KCNQ2: variants seen among roughly 807,000 people sequenced by gnomAD.
KCNQ2 encodes potassium voltage-gated channel subfamily KQT member 2.
In KCNQ2, 14 loss-of-function variants were observed where a neutral mutation model predicts 84.8. The ratio of observed to expected loss-of-function variants is 0.17; its 90% CI spans 0.11 to 0.26. KCNQ2 has a LOEUF of 0.26. Among genes scored for constraint, KCNQ2 ranks in the 10% least tolerant of loss-of-function variants. KCNQ2 has a pLI of 1.00. For synonymous variants in KCNQ2, 599 were observed against 554.1 expected (o/e 1.08, Z -1.14); for missense variants, 788 against 1,254.0 (o/e 0.63, Z 5.61).
At chr20:63,424,795 G>A (rs73918912) in intron 10 of KCNQ2, among the ~76,000 whole-genome samples, 16,694 of 152,288 alleles carry the variant, frequency 0.11, 985 homozygotes, top group Middle Eastern at 0.18. Context: ...GGCTGTTTCC[G>A]CGGGTAAAGG....
intron 11 of KCNQ2, 196 bp downstream of exon 11, chr20:63,423,981 G>A (rs1190069969): frequency 9.3e-6 from 6 of 644,018 alleles, no homozygotes; most frequent in Non-Finnish European, 1.7e-5. Context: ...AATCACTGGG[G>A]AGGGGGTGAG....
rs1013816567 is a variant in KCNQ2 at position 63,425,314 on chromosome 20, G to A, written c.1218-1108C>T. 4.6e-5 allele frequency among the ~76,000 whole-genome samples: 7 copies of A among 151,768 alleles called. No homozygotes were observed. Among genetic ancestry groups the A allele is most frequent in the Admixed American group, 6.6e-5 (1 of 15,238 alleles). The stretch of plus-strand genomic sequence containing the variant: ...CAGCATTCAACCACTGCATTCCCCC[G>A]ACCCCCCAAAATTCATGTCCATCTT... On this transcript the variant is annotated intron_variant, in intron 10 of 16. Transcript: ENST00000359125. The surrounding 1 kb of genome is among the most constrained non-coding windows in gnomAD (Gnocchi z 5.5).
At position 63,406,495 on chromosome 20, in the gene KCNQ2, C is replaced by T. The variant is rs1400769504; in HGVS notation, c.*149G>A. 2.1e-6 allele frequency: 2 copies of T among 932,332 alleles called. No homozygotes were observed. Among genetic ancestry groups the T allele is most frequent in the East Asian group, 2.7e-5 (1 of 37,568 alleles). The allele number at this position is 932,332 out of a possible 1,614,324, so 57.8% of individuals were successfully genotyped here. A position where few individuals can be genotyped will look rare whatever the true frequency, so the allele number is the denominator to read the frequency against. On this transcript the variant is annotated 3_prime_UTR_variant, in exon 17 of 17. Coordinates refer to ENST00000359125, the MANE Select transcript of KCNQ2 (RefSeq NM_172107.4). ...AAAGGTCACTGCCAGGAGCCCCCAT[C>T]CTTCAGCCCACATGGGCCCCTCCAG...
At chr20:63,427,019 C>G (rs6062447) in intron 10 of KCNQ2, among the ~76,000 whole-genome samples, 45,248 of 152,114 alleles carry the variant, frequency 0.3, 7,574 homozygotes, top group Non-Finnish European at 0.39. Context: ...TCAGGAGCTT[C>G]AGACCAGCCT....
At chr20:63,457,014 G>A (rs549924792) in intron 1 of KCNQ2, among the ~76,000 whole-genome samples, 2 of 152,206 alleles carry the variant, frequency 1.3e-5, no homozygotes, top group African/African-American at 2.4e-5. Flanking sequence ...CAGCCGCCAC[G>A]CTGCAACCTG....
chr20:63,423,825 A>C, intron 11 of KCNQ2: 2 of 357,304 alleles, frequency 5.6e-6, no homozygotes, highest in Non-Finnish European at 1.0e-5. Flanking sequence ...AGCTCGGGCT[A>C]TGTGCCTGCA....
At position 63,446,768 on chromosome 20, in the gene KCNQ2, C is replaced by A. The variant is rs1364399594; in HGVS notation, c.366G>T (p.Ser122=). ...FSTIKEYEKS[S]EGALYILEIV... The stretch of plus-strand genomic sequence containing the variant: ...TCACCAGGATGTAGAGGGCCCCCTC[C>A]GAGCTCTTCTCATACTCCTTGATGG... Residue 122 remains serine, a synonymous_variant, in exon 2 of 17, where the codon TCG becomes TCT. Transcript: ENST00000359125. The surrounding 1 kb of genome is among the most constrained non-coding windows in gnomAD (Gnocchi z 5.5). 1 of 1,613,512 alleles carries A rather than the reference C, an allele frequency of 6.2e-7. No homozygotes were observed. Among genetic ancestry groups the A allele is most frequent in the Admixed American group, 1.7e-5 (1 of 60,016 alleles).
chr20:63,444,706 C>A lies in KCNQ2; in HGVS notation c.643G>T (p.Gly215Ter). ...ILRMIRMDRR[G>*]GTWKLLGSVV... ...GAGCCCAGCAGCTTCCAGGTGCCTC[C>A]CCGCCGGTCCATGCGGATCATCCGC... is the stretch of plus-strand genomic sequence containing the variant. Residue 215 changes from glycine to a stop codon, truncating the protein, a stop_gained, in exon 4 of 17, where the codon GGA (glycine) becomes TGA (stop). Coordinates refer to ENST00000359125, the MANE Select transcript of KCNQ2 (RefSeq NM_172107.4). LOFTEE classifies it high-confidence loss of function. 6.3e-7 allele frequency: 1 copy of A among 1,587,940 alleles called. No individual in the cohort carries two copies. Among genetic ancestry groups the A allele is most frequent in the East Asian group, 2.3e-5 (1 of 43,860 alleles).
intron 1 of KCNQ2, among the ~76,000 whole-genome samples, chr20:63,451,858 C>T (rs2081624731): frequency 6.6e-6 from 1 of 152,220 alleles, no homozygotes; most frequent in South Asian, 2.1e-4. Context: ...CTCCACCTTC[C>T]GACTCCCCAG....
At position 63,439,790 on chromosome 20, in the gene KCNQ2, G is replaced by A. The variant is rs2081106284; in HGVS notation, c.817-82C>T. ...GCTGGACGCCCGCTGGCGACTCGGG[G>A]CTTGGGATGGGACAGATGCGGGGCC... is the stretch of plus-strand genomic sequence containing the variant. On this transcript the variant is annotated intron_variant, in intron 5 of 16. Transcript: ENST00000359125. 7.7e-6 allele frequency: 8 copies of A among 1,041,202 alleles called. 1 individual carries two copies. The South Asian group carries it at 8.8e-5, about 11-fold the overall frequency. The allele number at this position is 1,041,202 out of a possible 1,614,324, so 64.5% of individuals were successfully genotyped here. A position where few individuals can be genotyped will look rare whatever the true frequency, so the allele number is the denominator to read the frequency against.
chr20:63,418,156 G>A (rs867557236), intron 12 of KCNQ2, among the ~76,000 whole-genome samples: 4 of 152,176 alleles, frequency 2.6e-5, no homozygotes, highest in Admixed American at 6.5e-5. Flanking sequence ...AGGAGCACGC[G>A]TGGTCTCGCA....
chr20:63,432,479 C>T (rs1363740477), intron 8 of KCNQ2, among the ~76,000 whole-genome samples: 1 of 146,892 alleles, frequency 6.8e-6, no homozygotes, highest in Non-Finnish European at 1.5e-5. Flanking sequence ...GGGAAGGCTC[C>T]ACCCTCTGGG....
chr20:63,409,051 G>A (rs529343843), intron 15 of KCNQ2, among the ~76,000 whole-genome samples: 118 of 152,358 alleles, frequency 7.7e-4, no homozygotes, highest in African/African-American at 2.7e-3. Flanking sequence ...TGATGGGGAC[G>A]GAGTTAAATG....
At chr20:63,466,828 C>A (rs776462401) in intron 1 of KCNQ2, among the ~76,000 whole-genome samples, 1 of 152,226 alleles carries the variant, frequency 6.6e-6, no homozygotes, top group African/African-American at 2.4e-5. Context: ...CACAGGAGCA[C>A]GTCTCACACG....
intron 1 of KCNQ2, among the ~76,000 whole-genome samples, chr20:63,450,924 G>A (rs550848194): frequency 6.6e-6 from 1 of 152,194 alleles, no homozygotes; most frequent in African/African-American, 2.4e-5. Flanking sequence ...GATCACTTGA[G>A]ATCAGGAGTT....
chr20:63,411,179 C>T (rs1237101761), intron 15 of KCNQ2, among the ~76,000 whole-genome samples: 1 of 152,242 alleles, frequency 6.6e-6, no homozygotes, highest in Non-Finnish European at 1.5e-5. Context: ...ACCTGGCAGG[C>T]CTCTTCTCAC....
At position 63,415,213 on chromosome 20, in the gene KCNQ2, G is replaced by T. The variant is rs913967680; in HGVS notation, c.1302-87C>A. On this transcript the variant is annotated intron_variant, in intron 12 of 16. Transcript: ENST00000359125. ...ACACAGGCCGTGTCTGCTCATGGCC[G>T]ACGCCGCCCATGCGCCGGAGGGAGA... 12 of 1,242,122 alleles carry T rather than the reference G, an allele frequency of 9.7e-6. No individual in the cohort carries two copies. The Admixed American group carries it at 1.2e-4, about 12-fold the overall frequency. The allele number at this position is 1,242,122 out of a possible 1,614,324, so 76.9% of individuals were successfully genotyped here.
chr20:63,409,520 G>A (rs990892550), intron 15 of KCNQ2, among the ~76,000 whole-genome samples: 4 of 152,238 alleles, frequency 2.6e-5, no homozygotes, highest in African/African-American at 7.2e-5. Context: ...CTGCAGCTAC[G>A]TGGGAACTCA....
intron 10 of KCNQ2, among the ~76,000 whole-genome samples, chr20:63,426,202 C>T (rs1296749898): frequency 6.6e-6 from 1 of 152,224 alleles, no homozygotes; most frequent in Admixed American, 6.5e-5. Context: ...ATGAAACTCC[C>T]CAAAACCTCT....
Sources: allele counts gnomAD v4.1 joint callset (sites outside exome capture counted in the v4.1 genomes callset), GRCh38; gene constraint gnomAD v4.1.1; non-coding constraint Gnocchi (gnomAD v3.1); transcripts MANE v1.5; gene names NCBI Gene and HGNC (gene_info 2026-07-23, HGNC 2026-07-21).